Variants in SCNN1G observed in about 807,000 individuals in gnomAD.
SCNN1G encodes the protein sodium channel epithelial 1 subunit gamma.
SCNN1G carries 27 observed loss-of-function variants against 64.6 expected under a neutral mutation model. That is an observed-to-expected ratio of 0.42 (90% CI 0.31 to 0.58). The LOEUF (loss-of-function observed/expected upper bound fraction) is 0.58, where lower values mean the gene tolerates loss of function less well. Ranked by LOEUF, SCNN1G falls within the 20% of genes least tolerant of loss-of-function variation. The pLI is 0.18. For synonymous variants in SCNN1G, 330 were observed against 314.2 expected, an observed-to-expected ratio of 1.05 and a Z score of -0.53; for missense variants, 743 against 823.4, an observed-to-expected ratio of 0.90 and a Z score of 1.19.
intron 5 of SCNN1G, among the ~76,000 whole-genome samples, chr16:23,194,607 G>A (rs1483735767): frequency 6.6e-6 from 1 of 152,158 alleles, no homozygotes; most frequent in Non-Finnish European, 1.5e-5. Context: ...AGGGAGTTGA[G>A]CCCAGATATG....
chr16:23,215,376 G>A lies in SCNN1G; in HGVS notation c.1857G>A (p.Val619=). 1 of 1,614,102 alleles carries A rather than the reference G, an allele frequency of 6.2e-7. No homozygotes were observed. Among genetic ancestry groups the A allele is most frequent in the Non-Finnish European group, 8.5e-7 (1 of 1,180,028 alleles). The change falls in exon 13 of 13, where the codon GTG becomes GTA. Residue 619 remains valine (V), a synonymous_variant. Coordinates refer to ENST00000300061, the MANE Select transcript of SCNN1G (RefSeq NM_001039.4). ...LHLPPALGTQ[V]PGTPPPKYNT... is the part of the protein sequence containing the mutation. ...TGCCTCCAGCCCTAGGAACCCAAGT[G>A]CCCGGCACACCGCCCCCCAAATACA...
At chr16:23,194,322 C>T (rs1366777213) in intron 5 of SCNN1G, 48 bp downstream of exon 5, 1 of 1,287,174 alleles carries the variant, frequency 7.8e-7, no homozygotes, top group Non-Finnish European at 1.1e-6. Context: ...CAATAGTGGA[C>T]ATGGGGGCAG....
chr16:23,214,814 C>T (rs1343404977), intron 12 of SCNN1G, 27 bp downstream of exon 12: 1 of 1,571,588 alleles, frequency 6.4e-7, no homozygotes. Flanking sequence ...CCTTCCAGGA[C>T]CTGTCCTGGG....
Position 23,192,445 on chromosome 16 carries a change from A to C in SCNN1G, c.712A>C (p.Met238Leu). Residue 238 changes from methionine to leucine, a missense_variant, in exon 4 of 13, where the codon ATG becomes CTG. Transcript: ENST00000300061. ...EWYKLHYMNI[M>L]AQVPLEKKIN... ...GTATAAGCTACACTACATGAACATC[A>C]TGGCACAGGTGCCTCTGGAGAAGAA... The C allele has an allele frequency of 6.2e-7, 1 of 1,614,006 alleles. No individual in the cohort carries two copies.
At chr16:23,198,444 A>G (rs1396477808) in intron 6 of SCNN1G, among the ~76,000 whole-genome samples, 1 of 152,110 alleles carries the variant, frequency 6.6e-6, no homozygotes, top group Non-Finnish European at 1.5e-5. Context: ...TTAAGAACTT[A>G]TTTAGACCGG....
At chr16:23,209,388 G>A (rs1198096845) in intron 6 of SCNN1G, among the ~76,000 whole-genome samples, 1 of 152,078 alleles carries the variant, frequency 6.6e-6, no homozygotes, top group Non-Finnish European at 1.5e-5. Flanking sequence ...ATCACTCTAT[G>A]GGAAAAACTG....
intron 7 of SCNN1G, among the ~76,000 whole-genome samples, chr16:23,211,655 C>CA (rs374274269): frequency 5.3e-5 from 8 of 151,726 alleles, no homozygotes; most frequent in African/African-American, 1.5e-4. Context: ...ACCAAAAATA[C>CA]AAAAAAATTA....
At chr16:23,183,464 G>A (rs1306139517) in intron 1 of SCNN1G, among the ~76,000 whole-genome samples, 1 of 152,202 alleles carries the variant, frequency 6.6e-6, no homozygotes, top group Admixed American at 6.5e-5. Flanking sequence ...TAGACTTGGG[G>A]CAAATCTCTC....
chr16:23,194,324 T>TG, intron 5 of SCNN1G, 50 bp downstream of exon 5: 1 of 1,281,080 alleles, frequency 7.8e-7, no homozygotes, highest in Non-Finnish European at 1.1e-6. Flanking sequence ...ATAGTGGACA[T>TG]GGGGGCAGCA....
intron 3 of SCNN1G, 61 bp downstream of exon 3, chr16:23,189,732 A>T: frequency 6.6e-7 from 1 of 1,516,238 alleles, no homozygotes; most frequent in Non-Finnish European, 9.2e-7. Flanking sequence ...TGGGTCCAGG[A>T]CTCTTCTCCT....
In SCNN1G at chr16:23,204,158, A is replaced by C. The variant is rs1959938344; in HGVS notation, c.1078-5592A>C. 2.0e-5 allele frequency among the ~76,000 whole-genome samples: 3 copies of C among 150,930 alleles called. No individual in the cohort carries two copies. The South Asian group carries it at 6.3e-4, about 32-fold the overall frequency. ...GCCAGCCGTGGTGGCACACACCTGT[A>C]GTCCCAGCTACTTGGGAGGCTCATG... On this transcript the variant is annotated intron_variant, in intron 6 of 12. Transcript: ENST00000300061.
chr16:23,207,415 C>T (rs1202499565), intron 6 of SCNN1G, among the ~76,000 whole-genome samples: 1 of 152,218 alleles, frequency 6.6e-6, no homozygotes. Context: ...TAGAGGATGG[C>T]AAGGAATTGT....
At chr16:23,200,421 TTG>T (rs2141936699) in intron 6 of SCNN1G, among the ~76,000 whole-genome samples, 1 of 152,336 alleles carries the variant, frequency 6.6e-6, no homozygotes, top group African/African-American at 2.4e-5. Context: ...GAAAAGCTAA[TTG>T]TGTCTTCCCA....
At chr16:23,204,139 C>G (rs192597493) in intron 6 of SCNN1G, among the ~76,000 whole-genome samples, 2 of 149,784 alleles carry the variant, frequency 1.3e-5, no homozygotes, top group Admixed American at 6.7e-5. Flanking sequence ...ATTAGCCAGC[C>G]GTGGTGGCAC....
At chr16:23,183,321 G>T (rs1959552457) in intron 1 of SCNN1G, among the ~76,000 whole-genome samples, 2 of 152,262 alleles carry the variant, frequency 1.3e-5, no homozygotes, top group Admixed American at 6.5e-5. Flanking sequence ...CGCGCAGGGA[G>T]GGCAGGGCTG....
rs370921424 is a variant in SCNN1G, at chr16:23,198,782, G to T, written c.1077+1355G>T. The stretch of plus-strand genomic sequence containing the variant: ...AAAAACTGATTTAAAGGAGTTAGGT[G>T]CAGTGCATAGACTTGTAGTCCCAGC... On this transcript the variant is annotated intron_variant, in intron 6 of 12. Coordinates refer to ENST00000300061, the MANE Select transcript of SCNN1G (RefSeq NM_001039.4). 4.0e-5 allele frequency among the ~76,000 whole-genome samples: 6 copies of T among 151,800 alleles called. No homozygotes were observed. The East Asian group carries it at 7.8e-4, about 20-fold the overall frequency.
chr16:23,197,312 TC>T lies in SCNN1G; in HGVS notation c.963del (p.Val322CysfsTer8). The T allele has an allele frequency of 6.2e-7, 1 of 1,613,966 alleles. No homozygotes were observed. The highest frequency in any genetic ancestry group is 8.5e-7 in the Non-Finnish European group (1 of 1,179,834). On this transcript the variant is annotated frameshift_variant, in exon 6 of 13. Coordinates refer to ENST00000300061, the MANE Select transcript of SCNN1G (RefSeq NM_001039.4). LOFTEE classifies it high-confidence loss of function. ...AACGAAGAGGAATACAACCCATTCC[TC>T]GTGTCCTCCACTGGAGCTAAGGTGA... ...YINEEEYNPF[L>X]VSSTGAKVII... is the part of the protein sequence containing the mutation.
chr16:23,199,653 CTTTTCTTTTCTTTTTTT>C (rs932794293), intron 6 of SCNN1G, among the ~76,000 whole-genome samples: 2 of 115,492 alleles, frequency 1.7e-5, no homozygotes, highest in African/African-American at 6.4e-5. Flanking sequence ...TTTTTCTTTT[CTTTTCTTTTCTTTTTTT>C]TTTTTTTTTT....
chr16:23,183,885 G>T (rs887059435), intron 1 of SCNN1G, among the ~76,000 whole-genome samples: 10 of 152,284 alleles, frequency 6.6e-5, no homozygotes, highest in Middle Eastern at 3.4e-3. Context: ...TCCCAGCTCA[G>T]CCACTTTCTA....
Sources: gnomAD v4.1 joint callset for allele counts (sites outside exome capture counted in the v4.1 genomes callset) on GRCh38, gnomAD v4.1.1 for gene constraint, MANE v1.5 for transcripts, NCBI Gene and HGNC (gene_info 2026-07-23, HGNC 2026-07-21) for gene names.